The following CDKAL1 variants were observed in gnomAD, a reference collection of about 807,000 sequenced individuals.
CDKAL1 encodes CDKAL1 threonylcarbamoyladenosine tRNA methylthiotransferase.
In CDKAL1, 32 loss-of-function variants were observed where a neutral mutation model predicts 68.2. The observed-to-expected ratio is 0.47, with a 90% CI of 0.35 to 0.63. CDKAL1 has a LOEUF of 0.63. Ranked by LOEUF, CDKAL1 falls within the 30% of genes least tolerant of loss-of-function variation. The pLI is 0.00. For synonymous variants in CDKAL1, 234 were observed against 244.3 expected (o/e 0.96, Z 0.39); for missense variants, 606 against 696.7 (o/e 0.87, Z 1.47).
chr6:21,109,695 G>T (rs535086496), intron 13 of CDKAL1, among the ~76,000 whole-genome samples: 5 of 152,342 alleles, frequency 3.3e-5, no homozygotes, highest in Middle Eastern at 3.4e-3. Flanking sequence ...GGAGCAGGCT[G>T]ATAAGTAATA....
intron 9 of CDKAL1, among the ~76,000 whole-genome samples, chr6:20,948,078 TG>T (rs1581893025): frequency 6.7e-6 from 1 of 149,714 alleles, no homozygotes; most frequent in Non-Finnish European, 1.5e-5. Flanking sequence ...AGTGCAGTGG[TG>T]CAATCATAGC....
intron 6 of CDKAL1, among the ~76,000 whole-genome samples, chr6:20,748,955 A>G (rs145186456): frequency 0.04 from 6,087 of 151,712 alleles, 136 homozygotes; most frequent in Middle Eastern, 0.082. Flanking sequence ...ATGTATGTGT[A>G]TATATATATG....
chr6:20,925,634 A>G (rs945426499), intron 9 of CDKAL1, among the ~76,000 whole-genome samples: 7 of 152,276 alleles, frequency 4.6e-5, no homozygotes, highest in Admixed American at 3.9e-4. Flanking sequence ...TTTTTTCCTT[A>G]GTAGTGCATT....
chr6:20,628,529 T>G (rs1262662938), intron 4 of CDKAL1, among the ~76,000 whole-genome samples: 1 of 152,176 alleles, frequency 6.6e-6, no homozygotes, highest in East Asian at 1.9e-4. Context: ...ATGTGACTAT[T>G]CTTTCTTATT....
intron 13 of CDKAL1, among the ~76,000 whole-genome samples, chr6:21,175,121 T>C (rs1777531047): frequency 6.6e-6 from 1 of 152,124 alleles, no homozygotes; most frequent in South Asian, 2.1e-4. Context: ...AGACATAAAA[T>C]AGAGTCAAGA....
At chr6:20,783,151 A>G (rs1012234347) in intron 8 of CDKAL1, among the ~76,000 whole-genome samples, 2 of 152,124 alleles carry the variant, frequency 1.3e-5, no homozygotes, top group African/African-American at 2.4e-5. Context: ...GCTAGTCTCA[A>G]ACTCCTGAAC....
At chr6:21,223,871 G>A (rs9466003) in intron 15 of CDKAL1, among the ~76,000 whole-genome samples, 35,623 of 152,064 alleles carry the variant, frequency 0.23, 4,572 homozygotes, top group African/African-American at 0.32. Flanking sequence ...CTCAGCAGAA[G>A]GAAAAGGCCT....
chr6:21,157,593 G>GA (rs1776707012), intron 13 of CDKAL1, among the ~76,000 whole-genome samples: 1 of 152,180 alleles, frequency 6.6e-6, no homozygotes, highest in South Asian at 2.1e-4. Flanking sequence ...ATAGCTAAGT[G>GA]AAAATCTTCA....
intron 7 of CDKAL1, among the ~76,000 whole-genome samples, chr6:20,779,746 A>G (rs929241710): frequency 1.3e-5 from 2 of 152,144 alleles, no homozygotes; most frequent in Non-Finnish European, 2.9e-5. Context: ...CACCACACCC[A>G]GCTAATTTTT....
chr6:20,549,873 C>T (rs12198377), intron 4 of CDKAL1, among the ~76,000 whole-genome samples: 8,153 of 152,184 alleles, frequency 0.054, 239 homozygotes, highest in Middle Eastern at 0.078. Flanking sequence ...TCCCAAAGTG[C>T]GGGGATTACA....
chr6:20,542,456 A>G (rs1763425023), intron 2 of CDKAL1, among the ~76,000 whole-genome samples: 1 of 152,204 alleles, frequency 6.6e-6, no homozygotes. Flanking sequence ...GGATAGTAAT[A>G]CTATCTACCT....
In CDKAL1 at chr6:20,597,838, T is replaced by C. The variant is rs185723604; in HGVS notation, c.286+49133T>C. On this transcript the variant is annotated intron_variant, in intron 4 of 15. Coordinates refer to ENST00000274695, the MANE Select transcript of CDKAL1 (RefSeq NM_017774.3). ...AATATTTAACTGTATCCTGCTAAAT[T>C]GATATCTAGAGAGTTTCTAAAAGGA... Among the ~76,000 whole-genome samples, 289 of 152,346 alleles carry C rather than the reference T, an allele frequency of 1.9e-3. 2 individuals carry two copies. The highest frequency in any genetic ancestry group is 6.4e-3 in the African/African-American group (265 of 41,592).
chr6:20,935,860 C>A (rs1763681953), intron 9 of CDKAL1, among the ~76,000 whole-genome samples: 1 of 152,152 alleles, frequency 6.6e-6, no homozygotes, highest in African/African-American at 2.4e-5. Context: ...ATATGGATTC[C>A]TCTTCTGCTC....
At chr6:20,942,953 C>A (rs1343655810) in intron 9 of CDKAL1, among the ~76,000 whole-genome samples, 286 of 113,104 alleles carry the variant, frequency 2.5e-3, no homozygotes, top group African/African-American at 2.9e-3. Context: ...GATTCTGTCT[C>A]AAAAAAAAAA....
chr6:21,207,261 T>C (rs1778977558), intron 15 of CDKAL1, among the ~76,000 whole-genome samples: 1 of 151,968 alleles, frequency 6.6e-6, no homozygotes, highest in Non-Finnish European at 1.5e-5. Context: ...GATGCAGTGG[T>C]TCACGCCTGT....
intron 5 of CDKAL1, among the ~76,000 whole-genome samples, chr6:20,721,819 G>T (rs553373982): frequency 2.3e-5 from 3 of 132,458 alleles, no homozygotes; most frequent in African/African-American, 5.7e-5. Flanking sequence ...TGCAACCTCC[G>T]CCTCCTGGGT....
At chr6:20,833,201 G>A (rs1347850734) in intron 8 of CDKAL1, among the ~76,000 whole-genome samples, 1 of 152,158 alleles carries the variant, frequency 6.6e-6, no homozygotes, top group Non-Finnish European at 1.5e-5. Flanking sequence ...TCTAGAACTG[G>A]TTCCAGCGTT....
At chr6:21,207,994 T>C (rs1298327848) in intron 15 of CDKAL1, among the ~76,000 whole-genome samples, 2 of 151,466 alleles carry the variant, frequency 1.3e-5, no homozygotes, top group African/African-American at 4.9e-5. Flanking sequence ...CGGACAGACA[T>C]TTCTTCCTCT....
At chr6:20,641,745 A>T (rs962607805) in intron 4 of CDKAL1, among the ~76,000 whole-genome samples, 2 of 152,216 alleles carry the variant, frequency 1.3e-5, no homozygotes, top group African/African-American at 4.8e-5. Context: ...CAGTGTCGTT[A>T]TAGTGGATAT....
Sources: allele counts gnomAD v4.1 joint callset (sites outside exome capture counted in the v4.1 genomes callset), GRCh38; gene constraint gnomAD v4.1.1; transcripts MANE v1.5; gene names NCBI Gene and HGNC (gene_info 2026-07-23, HGNC 2026-07-21).